Variants in ZZEF1 observed in about 807,000 individuals in gnomAD.
ZZEF1 encodes zinc finger ZZ-type and EF-hand domain-containing protein 1.
Under a neutral mutation model 342.8 loss-of-function variants are expected in ZZEF1, and 157 were observed. The observed-to-expected ratio is 0.46, with a 90% confidence interval of 0.40 to 0.52. ZZEF1 has a LOEUF of 0.52. ZZEF1 is among the 20% of genes least tolerant of loss of function. The pLI is 0.00. For synonymous variants in ZZEF1, 1,505 were observed against 1,429.1 expected, an observed-to-expected ratio of 1.05 and a Z score of -1.20; for missense variants, 3,480 against 3,725.6, an observed-to-expected ratio of 0.93 and a Z score of 1.72.
Position 4,006,512 on chromosome 17 carries a change from G to A in ZZEF1, c.*378C>T. On this transcript the variant is annotated 3_prime_UTR_variant, in exon 55 of 55. Transcript: ENST00000381638. ...GGGTGGACTGTGCCTCCCTCTGAAGGCAAGTGCAGGCAGTTCCAGCTCCAC... is the reference window on the plus strand; with the variant it reads ...GGGTGGACTGTGCCTCCCTCTGAAGACAAGTGCAGGCAGTTCCAGCTCCAC... 1 of 270,330 alleles carries A rather than the reference G, an allele frequency of 3.7e-6. No homozygotes were observed. Among genetic ancestry groups the A allele is most frequent in the South Asian group, 3.5e-5 (1 of 28,482 alleles). The allele number at this position is 270,330 out of a possible 1,614,324, so 16.7% of individuals were successfully genotyped here.
chr17:4,109,652 C>T lies in ZZEF1; in HGVS notation c.1277+1G>A. The T allele has an allele frequency of 6.2e-7, 1 of 1,614,052 alleles. No homozygotes were observed. Among genetic ancestry groups the T allele is most frequent in the Non-Finnish European group, 8.5e-7 (1 of 1,179,950 alleles). Reference sequence around the variant, plus strand: ...GCTGGAACATAGAGAGAATGACTTACTGAGTATTGTGCAGCACTGTCTGGA... The same window carrying T: ...GCTGGAACATAGAGAGAATGACTTATTGAGTATTGTGCAGCACTGTCTGGA... On this transcript the variant is annotated splice_donor_variant, in intron 6 of 54. Coordinates refer to ENST00000381638, the MANE Select transcript of ZZEF1 (RefSeq NM_015113.4). LOFTEE classifies it high-confidence loss of function.
intron 18 of ZZEF1, among the ~76,000 whole-genome samples, chr17:4,080,100 T>C (rs1250919991): frequency 1.3e-5 from 2 of 152,194 alleles, no homozygotes; most frequent in Non-Finnish European, 2.9e-5. Flanking sequence ...TCTTAAGCCC[T>C]ATCCCTAGAG....
At chr17:4,033,054 T>G (rs2056584081) in intron 40 of ZZEF1, 52 bp from the exon 41 acceptor site, 1 of 1,511,916 alleles carries the variant, frequency 6.6e-7, no homozygotes, top group East Asian at 2.5e-5. Flanking sequence ...CAAACTCAAC[T>G]CGTTAGAGCT....
Position 4,059,161 on chromosome 17 carries a change from T to C in ZZEF1, c.5003+10A>G. ...TTTTTTTCTCTAGAAATGATAAAGT[T>C]ATCCAGTACCTGTCATTTAGGCTAC... On this transcript the variant is annotated intron_variant, in intron 31 of 54. Coordinates refer to ENST00000381638, the MANE Select transcript of ZZEF1 (RefSeq NM_015113.4). 6.4e-7 allele frequency: 1 copy of C among 1,559,710 alleles called. No individual in the cohort carries two copies. The highest frequency in any genetic ancestry group is 8.6e-7 in the Non-Finnish European group (1 of 1,163,152).
chr17:4,110,706 C>T (rs1487260552), intron 5 of ZZEF1, among the ~76,000 whole-genome samples: 5 of 146,356 alleles, frequency 3.4e-5, no homozygotes, highest in African/African-American at 1.0e-4. Context: ...GTTAAAATTA[C>T]GGCTTTTTTT....
In ZZEF1 at chr17:4,142,674, C is replaced by T. The variant is rs1245284097; in HGVS notation, c.222G>A (p.Ser74=). The T allele has an allele frequency of 6.2e-7, 1 of 1,607,038 alleles. No homozygotes were observed. Among genetic ancestry groups the T allele is most frequent in the Non-Finnish European group, 8.5e-7 (1 of 1,179,554 alleles). ...LPTPPCESLV[S]RHRGALFRWL... is the part of the protein sequence containing the mutation. ...AGCGAAACAACGCGCCGCGATGCCTCGACACCAGCGACTCGCAGGGGGGTG... is the reference window on the plus strand; with the variant it reads ...AGCGAAACAACGCGCCGCGATGCCTTGACACCAGCGACTCGCAGGGGGGTG... Residue 74 remains serine (S), a synonymous_variant, in exon 1 of 55, where the codon TCG becomes TCA. Transcript: ENST00000381638.
intron 14 of ZZEF1, 24 bp downstream of exon 14, chr17:4,087,410 A>C (rs1396072097): frequency 6.4e-7 from 1 of 1,567,012 alleles, no homozygotes; most frequent in Non-Finnish European, 8.7e-7. Flanking sequence ...TGTGCTTATC[A>C]CCTTATAACA....
chr17:4,107,281 C>T (rs1316271505), intron 6 of ZZEF1, among the ~76,000 whole-genome samples: 5 of 152,124 alleles, frequency 3.3e-5, no homozygotes, highest in Non-Finnish European at 7.4e-5. Context: ...TAAAATCTGT[C>T]CATTCTTCAA....
chr17:4,092,490 G>A (rs2057963685), intron 11 of ZZEF1, among the ~76,000 whole-genome samples: 1 of 151,862 alleles, frequency 6.6e-6, no homozygotes, highest in Admixed American at 6.6e-5. Context: ...TAGTATAGAT[G>A]GGGTTTCACC....
At chr17:4,113,336 C>T (rs1323988959) in intron 4 of ZZEF1, among the ~76,000 whole-genome samples, 1 of 152,154 alleles carries the variant, frequency 6.6e-6, no homozygotes, top group Non-Finnish European at 1.5e-5. Flanking sequence ...GGATTCTTGA[C>T]CACACTATTT....
intron 11 of ZZEF1, among the ~76,000 whole-genome samples, chr17:4,094,931 C>T (rs546224963): frequency 6.6e-6 from 1 of 152,330 alleles, no homozygotes; most frequent in African/African-American, 2.4e-5. Flanking sequence ...CAACATGATC[C>T]TGACCAGTGC....
intron 43 of ZZEF1, 61 bp from the exon 44 acceptor site, chr17:4,022,889 C>T (rs2056306222): frequency 1.3e-6 from 2 of 1,587,128 alleles, no homozygotes; most frequent in East Asian, 2.2e-5. Flanking sequence ...ACAACCTTAG[C>T]TGTAACTCAG....
intron 51 of ZZEF1, 23 bp from the exon 52 acceptor site, chr17:4,013,637 G>T: frequency 6.3e-7 from 1 of 1,598,580 alleles, no homozygotes; most frequent in Non-Finnish European, 8.5e-7. Flanking sequence ...CCAAAACACG[G>T]ATATATAAAC....
chr17:4,081,295 A>C, intron 18 of ZZEF1, 81 bp downstream of exon 18: 1 of 1,153,646 alleles, frequency 8.7e-7, no homozygotes, highest in African/African-American at 1.5e-5. Flanking sequence ...GCAAAGAGGC[A>C]AAGGGGGGCA....
Position 4,114,429 on chromosome 17 carries a change from G to A in ZZEF1, c.736C>T (p.Leu246Phe), listed in dbSNP as rs370390653. ...GCATAGCACTTTGCTACTGACTTGA[G>A]TTTATCCATCTCTGGACTTCTAGTT... Reference protein sequence around the residue: ...DLTRSPEMDKLKSVAKCYAYI... With the variant: ...DLTRSPEMDKFKSVAKCYAYI... The change falls in exon 4 of 55, where the codon CTC (leucine) becomes TTC (phenylalanine). Residue 246 changes from leucine (L) to phenylalanine (F), a missense_variant. Transcript: ENST00000381638. 1.4e-5 allele frequency: 23 copies of A among 1,604,480 alleles called. No homozygotes were observed. In the African/African-American group the frequency reaches 3.1e-4, roughly 22 times the overall value.
chr17:4,016,845 GGC>G lies in ZZEF1; in HGVS notation c.8002-381_8002-380del, dbSNP rs756311229. 7 of 199,428 alleles carry G rather than the reference GGC, an allele frequency of 3.5e-5. No individual in the cohort carries two copies. Among genetic ancestry groups the G allele is most frequent in the Non-Finnish European group, 6.2e-5 (6 of 97,300 alleles). 12.4% of individuals were successfully genotyped at this position (199,428 alleles called of 1,614,324 possible). A position where few individuals can be genotyped will look rare whatever the true frequency, so the allele number is the denominator to read the frequency against. On this transcript the variant is annotated intron_variant, in intron 48 of 54. Transcript: ENST00000381638. This position sits in a 1 kb window ranked among gnomAD's most constrained non-coding sequence, Gnocchi z 4.4. ...AGGTGCAGGGTTGGGAGCTCTAGGTGGCAAGAACTGTGGGAGGACACGCCTAT... is the reference window on the plus strand; with the variant it reads ...AGGTGCAGGGTTGGGAGCTCTAGGTGAAGAACTGTGGGAGGACACGCCTAT...
intron 29 of ZZEF1, among the ~76,000 whole-genome samples, chr17:4,063,403 A>G (rs989003433): frequency 6.6e-6 from 1 of 152,302 alleles, no homozygotes; most frequent in South Asian, 2.1e-4. Flanking sequence ...TAGGGCGGCC[A>G]TGTTTCTAGA....
chr17:4,056,128 TAAG>T lies in ZZEF1; in HGVS notation c.5295+85_5295+87del, dbSNP rs912324442. 97 of 1,365,074 alleles carry T rather than the reference TAAG, an allele frequency of 7.1e-5. No homozygotes were observed. The African/African-American group carries it at 1.4e-3, about 19-fold the overall frequency. The allele number at this position is 1,365,074 out of a possible 1,614,324, so 84.6% of individuals were successfully genotyped here. ...GAATGCCACCTGCAGCCCTCTCAGG[TAAG>T]AGCCTGCCAGAACCCCCCCAGGCAA... On this transcript the variant is annotated intron_variant, in intron 33 of 54. Coordinates refer to ENST00000381638, the MANE Select transcript of ZZEF1 (RefSeq NM_015113.4).
At chr17:4,070,215 T>C (rs2057481961) in intron 26 of ZZEF1, among the ~76,000 whole-genome samples, 1 of 152,252 alleles carries the variant, frequency 6.6e-6, no homozygotes, top group Non-Finnish European at 1.5e-5. Flanking sequence ...GCTTCCTCCT[T>C]GGTTATTACT....
Sources: gnomAD v4.1 joint callset for allele counts (sites outside exome capture counted in the v4.1 genomes callset) on GRCh38, gnomAD v4.1.1 for gene constraint, Gnocchi (gnomAD v3.1) non-coding constraint, MANE v1.5 for transcripts, NCBI Gene and HGNC (gene_info 2026-07-23, HGNC 2026-07-21) for gene names.